The following ZNF438 variants were observed in gnomAD, a reference collection of about 807,000 sequenced individuals.
The protein encoded by ZNF438 is zinc finger protein 438.
ZNF438 carries 25 observed loss-of-function variants against 38.0 expected under a neutral mutation model. The ratio of observed to expected loss-of-function variants is 0.66; its 90% CI spans 0.48 to 0.92. ZNF438 has a LOEUF of 0.92. Ranked by LOEUF, ZNF438 falls within the 40% of genes least tolerant of loss-of-function variation. ZNF438 has a pLI of 0.00. For missense variants in ZNF438, 1,007 were observed against 999.6 expected (o/e 1.01, Z -0.10); for synonymous variants, 372 against 364.1 (o/e 1.02, Z -0.25).
rs554406633 is a variant in ZNF438 at position 30,845,714 on chromosome 10, G to A, written c.1875-141C>T. ...GGCTGGGGTAAACAGAGAGCACCTG[G>A]GAAGACCTTCTGCAAGGACCGTGGT... On this transcript the variant is annotated intron_variant, in intron 5 of 5. Coordinates refer to ENST00000413025, the Ensembl canonical transcript of ZNF438. 7.1e-6 allele frequency: 7 copies of A among 983,534 alleles called. No homozygotes were observed. The South Asian group carries it at 1.0e-4, about 14-fold the overall frequency. The allele number at this position is 983,534 out of a possible 1,614,324, so 60.9% of individuals were successfully genotyped here.
intron 1 of ZNF438, among the ~76,000 whole-genome samples, chr10:30,988,798 T>C (rs1161103067): frequency 6.6e-6 from 1 of 152,136 alleles, no homozygotes; most frequent in African/African-American, 2.4e-5. Context: ...AGAAAGAATA[T>C]CAATTTTGGC....
chr10:31,002,819 C>T (rs1313451741), intron 1 of ZNF438, among the ~76,000 whole-genome samples: 1 of 152,070 alleles, frequency 6.6e-6, no homozygotes, highest in Non-Finnish European at 1.5e-5. Flanking sequence ...ATGACCCCTA[C>T]AAAAGAATTA....
intron 4 of ZNF438, among the ~76,000 whole-genome samples, chr10:30,863,544 G>A (rs2133219158): frequency 6.6e-6 from 1 of 152,282 alleles, no homozygotes; most frequent in African/African-American, 2.4e-5. Context: ...CCATCAATAT[G>A]TTTATTGTCT....
intron 3 of ZNF438, among the ~76,000 whole-genome samples, chr10:30,900,936 G>A (rs1418072664): frequency 6.6e-6 from 1 of 152,142 alleles, no homozygotes; most frequent in Admixed American, 6.5e-5. Context: ...GCTGGTTCAG[G>A]AGAACAAATG....
At chr10:30,965,393 T>C (rs1448995282) in intron 1 of ZNF438, among the ~76,000 whole-genome samples, 1 of 152,096 alleles carries the variant, frequency 6.6e-6, no homozygotes, top group South Asian at 2.1e-4. Flanking sequence ...TCAAAGAACT[T>C]AAAAACAGAA....
At chr10:30,911,813 A>C (rs2043108753) in intron 2 of ZNF438, among the ~76,000 whole-genome samples, 1 of 152,066 alleles carries the variant, frequency 6.6e-6, no homozygotes, top group African/African-American at 2.4e-5. Context: ...TATCTGATGG[A>C]AAGTCACTCT....
intron 4 of ZNF438, among the ~76,000 whole-genome samples, chr10:30,855,154 A>G (rs1168359839): frequency 6.6e-6 from 1 of 152,230 alleles, no homozygotes; most frequent in Non-Finnish European, 1.5e-5. Flanking sequence ...TCACATAGGA[A>G]GAGCAAGGGC....
chr10:30,999,898 T>C (rs1399853637), intron 1 of ZNF438, among the ~76,000 whole-genome samples: 1 of 152,254 alleles, frequency 6.6e-6, no homozygotes, highest in East Asian at 1.9e-4. Context: ...TGCTGGTTTA[T>C]AGTCACTTAA....
chr10:31,016,823 G>A (rs778447607), intron 1 of ZNF438, among the ~76,000 whole-genome samples: 1 of 152,202 alleles, frequency 6.6e-6, no homozygotes. Context: ...CTTTGTAGGG[G>A]TTATGTGCCT....
chr10:30,996,230 A>T (rs1032071703), intron 1 of ZNF438, among the ~76,000 whole-genome samples: 9 of 152,174 alleles, frequency 5.9e-5, no homozygotes, highest in African/African-American at 2.2e-4. Flanking sequence ...TCGTAACTGC[A>T]GACAAAAATC....
intron 3 of ZNF438, among the ~76,000 whole-genome samples, chr10:30,903,794 T>A (rs1171479932): frequency 6.6e-6 from 1 of 152,228 alleles, no homozygotes; most frequent in East Asian, 1.9e-4. Flanking sequence ...TGTATCTAAC[T>A]CAAATCAGGA....
At chr10:30,892,460 A>C (rs1445271001) in intron 3 of ZNF438, among the ~76,000 whole-genome samples, 1 of 152,214 alleles carries the variant, frequency 6.6e-6, no homozygotes, top group African/African-American at 2.4e-5. Context: ...TGAGAAGAGA[A>C]ATCACAAATA....
At chr10:31,002,405 G>C (rs1171671697) in intron 1 of ZNF438, among the ~76,000 whole-genome samples, 1 of 152,042 alleles carries the variant, frequency 6.6e-6, no homozygotes, top group East Asian at 1.9e-4. Context: ...TGTGTTGTGT[G>C]ATTTTTTTCA....
chr10:30,850,739 G>A (rs1451370803), intron 4 of ZNF438, among the ~76,000 whole-genome samples: 1 of 152,146 alleles, frequency 6.6e-6, no homozygotes, highest in Admixed American at 6.5e-5. Context: ...ATCTTCACAT[G>A]ATGTCTGGTA....
At chr10:31,011,466 A>T (rs751108987) in intron 1 of ZNF438, among the ~76,000 whole-genome samples, 1 of 152,236 alleles carries the variant, frequency 6.6e-6, no homozygotes, top group South Asian at 2.1e-4. Flanking sequence ...GGCCAGGAAG[A>T]CAACAATGTG....
intron 2 of ZNF438, chr10:30,919,423 A>AT (rs1214492833): frequency 6.6e-6 from 1 of 151,464 alleles, no homozygotes; most frequent in African/African-American, 2.4e-5. Flanking sequence ...CTTTCTTTTG[A>AT]TTTTTCAAGG....
intron 4 of ZNF438, chr10:30,857,607 A>T: frequency 8.3e-7 from 1 of 1,202,016 alleles, no homozygotes; most frequent in Non-Finnish European, 1.2e-6. Flanking sequence ...CCCACTTATT[A>T]GAGATAACTC....
At chr10:30,864,373 G>A (rs976125201) in intron 4 of ZNF438, among the ~76,000 whole-genome samples, 4 of 152,134 alleles carry the variant, frequency 2.6e-5, no homozygotes, top group African/African-American at 9.7e-5. Flanking sequence ...TGCACCATTG[G>A]TGAGCTCCCC....
intron 4 of ZNF438, among the ~76,000 whole-genome samples, chr10:30,869,490 T>C (rs1342670554): frequency 6.6e-6 from 1 of 152,190 alleles, no homozygotes; most frequent in African/African-American, 2.4e-5. Flanking sequence ...TAATATTTTA[T>C]TTCAACTTCC....
Sources: allele counts gnomAD v4.1 joint callset (sites outside exome capture counted in the v4.1 genomes callset), GRCh38; gene constraint gnomAD v4.1.1; transcripts MANE v1.5; gene names NCBI Gene and HGNC (gene_info 2026-07-23, HGNC 2026-07-21).